The following THSD7B variants were observed in gnomAD, a reference collection of about 807,000 sequenced individuals.
The protein encoded by THSD7B is thrombospondin type-1 domain-containing protein 7B.
THSD7B carries 138 observed loss-of-function variants against 213.6 expected under a neutral mutation model. The ratio of observed to expected loss-of-function variants is 0.65; its 90% CI spans 0.56 to 0.74. The LOEUF (loss-of-function observed/expected upper bound fraction) is 0.74, where lower values mean the gene tolerates loss of function less well. Ranked by LOEUF, THSD7B falls within the 30% of genes least tolerant of loss-of-function variation. The probability of loss-of-function intolerance (pLI) is 0.00; values close to 1 mark genes in which losing one functional copy is unlikely to be tolerated. For synonymous variants in THSD7B, 742 were observed against 687.0 expected (o/e 1.08, Z -1.25); for missense variants, 1,931 against 1,991.5 (o/e 0.97, Z 0.58).
intron 1 of THSD7B, among the ~76,000 whole-genome samples, chr2:136,802,026 C>T (rs1269003526): frequency 1.3e-5 from 2 of 151,944 alleles, no homozygotes; most frequent in African/African-American, 4.8e-5. Context: ...GTGTGGTTTC[C>T]GAACAGTTAA....
intron 17 of THSD7B, among the ~76,000 whole-genome samples, chr2:137,575,819 C>A (rs72844527): frequency 0.14 from 21,063 of 151,144 alleles, 1,598 homozygotes; most frequent in Non-Finnish European, 0.16. Flanking sequence ...ATACAATAAC[C>A]TTCCTAATAG....
At chr2:137,159,169 C>T (rs1679963374) in intron 5 of THSD7B, among the ~76,000 whole-genome samples, 2 of 151,990 alleles carry the variant, frequency 1.3e-5, no homozygotes, top group African/African-American at 4.8e-5. Context: ...TGGTGGCTCA[C>T]GTGTGTAATC....
At chr2:137,548,130 T>G (rs150844689) in intron 15 of THSD7B, among the ~76,000 whole-genome samples, 1 of 152,026 alleles carries the variant, frequency 6.6e-6, no homozygotes, top group Non-Finnish European at 1.5e-5. Context: ...CAAATACCCA[T>G]GCGTTTCTGC....
intron 12 of THSD7B, among the ~76,000 whole-genome samples, chr2:137,333,281 C>G (rs1053550782): frequency 1.3e-5 from 2 of 152,230 alleles, no homozygotes; most frequent in Non-Finnish European, 2.9e-5. Context: ...GTAGTTCATA[C>G]TATCATTTTA....
intron 10 of THSD7B, among the ~76,000 whole-genome samples, chr2:137,252,000 G>A (rs1682188779): frequency 6.6e-6 from 1 of 152,090 alleles, no homozygotes; most frequent in East Asian, 1.9e-4. Context: ...TGGGCGCAGT[G>A]GCTCACGCCT....
chr2:137,552,135 T>C (rs890446834), intron 15 of THSD7B, among the ~76,000 whole-genome samples: 1 of 152,174 alleles, frequency 6.6e-6, no homozygotes, highest in African/African-American at 2.4e-5. Context: ...TGAAAGACTT[T>C]TTGACTTTTT....
chr2:137,417,566 A>G (rs868224412), intron 14 of THSD7B, among the ~76,000 whole-genome samples: 1 of 152,108 alleles, frequency 6.6e-6, no homozygotes, highest in African/African-American at 2.4e-5. Context: ...CAGCCTCCTG[A>G]GTATCTAGGA....
intron 15 of THSD7B, among the ~76,000 whole-genome samples, chr2:137,480,049 C>G (rs1224786748): frequency 2.6e-5 from 4 of 152,170 alleles, no homozygotes; most frequent in Admixed American, 6.6e-5. Flanking sequence ...ATCTAGGCAC[C>G]CAACGAAGTT....
intron 2 of THSD7B, among the ~76,000 whole-genome samples, chr2:136,987,182 A>G (rs1243951610): frequency 6.6e-6 from 1 of 152,214 alleles, no homozygotes; most frequent in African/African-American, 2.4e-5. Flanking sequence ...GCTGTCACAT[A>G]TAAACTAGAG....
intron 1 of THSD7B, among the ~76,000 whole-genome samples, chr2:136,842,960 C>A (rs755963440): frequency 1.3e-5 from 2 of 152,156 alleles, no homozygotes; most frequent in Non-Finnish European, 2.9e-5. Context: ...TCTTTCCTTG[C>A]CCCTTCTGAA....
chr2:136,826,664 C>CTT (rs11443425), intron 1 of THSD7B, among the ~76,000 whole-genome samples: 1 of 152,006 alleles, frequency 6.6e-6, no homozygotes, highest in Non-Finnish European at 1.5e-5. Context: ...GCAAAATGTG[C>CTT]TTTTTTTGCA....
intron 1 of THSD7B, among the ~76,000 whole-genome samples, chr2:136,850,759 A>C (rs1683086715): frequency 6.6e-6 from 1 of 152,008 alleles, no homozygotes; most frequent in Admixed American, 6.6e-5. Flanking sequence ...GTTTTAATTT[A>C]ATAATGTAGT....
intron 1 of THSD7B, among the ~76,000 whole-genome samples, chr2:136,819,842 C>G (rs935358047): frequency 6.6e-6 from 1 of 151,360 alleles, no homozygotes. Flanking sequence ...CTACTCTCCT[C>G]GTTGCTTAGA....
intron 15 of THSD7B, among the ~76,000 whole-genome samples, chr2:137,464,123 C>T (rs1316910689): frequency 6.6e-6 from 1 of 151,904 alleles, no homozygotes; most frequent in Non-Finnish European, 1.5e-5. Context: ...GTTTTTTTAA[C>T]CTTTAGGTCC....
chr2:137,497,180 C>T (rs1163817839), intron 15 of THSD7B, among the ~76,000 whole-genome samples: 2 of 145,766 alleles, frequency 1.4e-5, no homozygotes, highest in Non-Finnish European at 3.0e-5. Context: ...TCTACATAGA[C>T]ACACATACAA....
intron 5 of THSD7B, among the ~76,000 whole-genome samples, chr2:137,156,664 C>A (rs530122828): frequency 1.1e-4 from 17 of 152,186 alleles, no homozygotes; most frequent in Non-Finnish European, 2.5e-4. Context: ...AGCATAATAT[C>A]TGTGGAGACA....
At chr2:136,996,055 G>A (rs1429036854) in intron 2 of THSD7B, among the ~76,000 whole-genome samples, 2 of 152,126 alleles carry the variant, frequency 1.3e-5, no homozygotes, top group African/African-American at 4.8e-5. Context: ...TCTTTGAAGA[G>A]CAACATATAA....
intron 12 of THSD7B, among the ~76,000 whole-genome samples, chr2:137,370,552 T>C (rs1230874218): frequency 6.6e-6 from 1 of 152,208 alleles, no homozygotes; most frequent in South Asian, 2.1e-4. Context: ...CACTGCAACC[T>C]CTGCCTCCTG....
intron 12 of THSD7B, among the ~76,000 whole-genome samples, chr2:137,308,909 T>C (rs1472727066): frequency 6.6e-6 from 1 of 152,158 alleles, no homozygotes; most frequent in East Asian, 1.9e-4. Context: ...ATGCTTCATT[T>C]TGTTGTAACC....
Sources: gnomAD v4.1 joint callset for allele counts (sites outside exome capture counted in the v4.1 genomes callset) on GRCh38, gnomAD v4.1.1 for gene constraint, MANE v1.5 for transcripts, NCBI Gene and HGNC (gene_info 2026-07-23, HGNC 2026-07-21) for gene names.